Variants in KCNN2 observed in about 807,000 individuals in gnomAD.
KCNN2 encodes small conductance calcium-activated potassium channel protein 2.
KCNN2 carries 24 observed loss-of-function variants against 55.5 expected under a neutral mutation model. The observed-to-expected ratio is 0.43, with a 90% CI of 0.31 to 0.61. KCNN2 has a LOEUF of 0.61. Ranked by LOEUF, KCNN2 falls within the 20% of genes least tolerant of loss-of-function variation. The pLI is 0.08. For synonymous variants in KCNN2, 431 were observed against 336.1 expected (o/e 1.28, Z -3.09); for missense variants, 754 against 853.6 (o/e 0.88, Z 1.45).
rs77752089 is a variant in KCNN2 at position 114,301,842 on chromosome 5, A to T, written c.-184-59103A>T. The stretch of plus-strand genomic sequence containing the variant: ...CAAAACTACATTTGCTTATTTGACT[A>T]AAGCAGTGTAACAGCTGAGGTTTGT... On this transcript the variant is annotated intron_variant, in intron 2 of 10. Coordinates refer to the KCNN2 transcript ENST00000512097. Among the ~76,000 whole-genome samples, 21 of 152,324 alleles carry T rather than the reference A, an allele frequency of 1.4e-4. No homozygotes were observed. In the East Asian group the frequency reaches 3.9e-3, roughly 28 times the overall value.
chr5:114,369,420 G>C (rs1757698178), intron 2 of KCNN2, among the ~76,000 whole-genome samples: 1 of 152,160 alleles, frequency 6.6e-6, no homozygotes, highest in Admixed American at 6.5e-5. Flanking sequence ...GGAGGTTGTT[G>C]AAGATGAAGG....
At chr5:114,312,426 CACACACACATATATAT>C (rs1188077736) in intron 2 of KCNN2, among the ~76,000 whole-genome samples, 126 of 27,388 alleles carry the variant, frequency 4.6e-3, no homozygotes, top group Non-Finnish European at 5.6e-3. Flanking sequence ...CACACACACA[CACACACACATATATAT>C]ATATATATAT....
At chr5:114,144,085 C>A (rs768662959) in intron 1 of KCNN2, among the ~76,000 whole-genome samples, 5 of 152,122 alleles carry the variant, frequency 3.3e-5, no homozygotes, top group Non-Finnish European at 5.9e-5. Flanking sequence ...GCTTGAGAGG[C>A]CTCAAAAATC....
At chr5:114,067,692 T>G (rs901583) in intron 1 of KCNN2, among the ~76,000 whole-genome samples, 20,884 of 152,098 alleles carry the variant, frequency 0.14, 1,531 homozygotes, top group Middle Eastern at 0.17. Context: ...TTTGTGATGA[T>G]TTGTTTTATC....
At chr5:114,220,424 AG>A (rs1580631827) in intron 1 of KCNN2, among the ~76,000 whole-genome samples, 2 of 152,328 alleles carry the variant, frequency 1.3e-5, no homozygotes. Context: ...TTTATGAAAT[AG>A]GGCCAATAAA....
chr5:114,188,863 A>G (rs959437419), intron 1 of KCNN2, among the ~76,000 whole-genome samples: 4 of 152,226 alleles, frequency 2.6e-5, no homozygotes, highest in Non-Finnish European at 5.9e-5. Context: ...TCAGTACTGT[A>G]AAATCTGTTT....
intron 5 of KCNN2, among the ~76,000 whole-genome samples, chr5:114,482,895 G>A (rs925071314): frequency 1.3e-5 from 2 of 152,136 alleles, no homozygotes; most frequent in Non-Finnish European, 2.9e-5. Context: ...GGGGTAGGGG[G>A]AGTGAGAGCA....
chr5:114,083,613 T>C (rs942882106), intron 1 of KCNN2, among the ~76,000 whole-genome samples: 6 of 152,128 alleles, frequency 3.9e-5, no homozygotes, highest in African/African-American at 1.4e-4. Flanking sequence ...GTCTCTCTCT[T>C]ATTTATGGAT....
At chr5:114,476,110 A>T (rs1319305701) in intron 5 of KCNN2, among the ~76,000 whole-genome samples, 1 of 151,836 alleles carries the variant, frequency 6.6e-6, no homozygotes, top group African/African-American at 2.4e-5. Flanking sequence ...ATATGTATAC[A>T]TGTGCCATGC....
Position 114,456,824 on chromosome 5 carries a change from A to G in KCNN2, c.1638-6225A>G, listed in dbSNP as rs1267236196. ...AATAGCAAGATAACTAGAAATATTAATAGAAGTAGAGCCTGAATAAGTGAT... is the reference window on the plus strand; with the variant it reads ...AATAGCAAGATAACTAGAAATATTAGTAGAAGTAGAGCCTGAATAAGTGAT... On this transcript the variant is annotated intron_variant, in intron 3 of 7. Transcript: ENST00000673685. Among the ~76,000 whole-genome samples, 41 of 152,212 alleles carry G rather than the reference A, an allele frequency of 2.7e-4. 1 individual carries two copies. The highest frequency in any genetic ancestry group is 2.7e-3 in the Admixed American group (41 of 15,282).
intron 2 of KCNN2, among the ~76,000 whole-genome samples, chr5:114,229,988 T>A (rs2112602601): frequency 6.6e-6 from 1 of 152,276 alleles, no homozygotes; most frequent in Non-Finnish European, 1.5e-5. Flanking sequence ...GCCAGGTCTA[T>A]TAGATAAATA....
At chr5:114,298,121 A>G (rs1446602605) in intron 2 of KCNN2, among the ~76,000 whole-genome samples, 3 of 152,236 alleles carry the variant, frequency 2.0e-5, no homozygotes, top group African/African-American at 7.2e-5. Flanking sequence ...AGATGCTGTT[A>G]TTATCATCAT....
intron 1 of KCNN2, among the ~76,000 whole-genome samples, chr5:114,098,951 A>T (rs1295923235): frequency 6.6e-6 from 1 of 152,136 alleles, no homozygotes; most frequent in Non-Finnish European, 1.5e-5. Context: ...TCCTTGAGAG[A>T]AGGCTTAATC....
intron 2 of KCNN2, among the ~76,000 whole-genome samples, chr5:114,267,909 T>C (rs1755242292): frequency 6.6e-6 from 1 of 152,186 alleles, no homozygotes; most frequent in Non-Finnish European, 1.5e-5. Flanking sequence ...GGGAAACCAG[T>C]GTTTCTCTCT....
At chr5:114,267,485 A>G (rs1755234227) in intron 2 of KCNN2, among the ~76,000 whole-genome samples, 1 of 152,144 alleles carries the variant, frequency 6.6e-6, no homozygotes, top group Non-Finnish European at 1.5e-5. Context: ...ATTCTATATC[A>G]AGGGAAAAAT....
intron 2 of KCNN2, among the ~76,000 whole-genome samples, chr5:114,344,167 A>T (rs901666682): frequency 1.6e-4 from 24 of 152,126 alleles, no homozygotes; most frequent in African/African-American, 5.6e-4. Flanking sequence ...GTTGGCCCAA[A>T]CTTCTGACAC....
intron 1 of KCNN2, among the ~76,000 whole-genome samples, chr5:114,188,673 CTAAT>C (rs1753387121): frequency 6.6e-6 from 1 of 151,816 alleles, no homozygotes. Flanking sequence ...TATGCAATAA[CTAAT>C]TAAAAATGAA....
At chr5:114,217,019 C>CA (rs1395853419) in intron 1 of KCNN2, among the ~76,000 whole-genome samples, 3 of 151,830 alleles carry the variant, frequency 2.0e-5, no homozygotes, top group Non-Finnish European at 2.9e-5. Context: ...ACATTAGCAT[C>CA]AAAAAATAAA....
intron 5 of KCNN2, among the ~76,000 whole-genome samples, chr5:114,478,234 G>C (rs1336108421): frequency 6.6e-6 from 1 of 151,996 alleles, no homozygotes; most frequent in Non-Finnish European, 1.5e-5. Flanking sequence ...AGCAGCAGGA[G>C]AAAAAAACAA....
Sources: allele counts gnomAD v4.1 joint callset (sites outside exome capture counted in the v4.1 genomes callset), GRCh38; gene constraint gnomAD v4.1.1; transcripts MANE v1.5; gene names NCBI Gene and HGNC (gene_info 2026-07-23, HGNC 2026-07-21).